The following TRAPPC12 variants were observed in gnomAD, a reference collection of about 807,000 sequenced individuals.
The protein encoded by TRAPPC12 is trafficking protein particle complex subunit 12.
A neutral mutation model predicts 69.2 loss-of-function variants in TRAPPC12; 61 were observed. That is an observed-to-expected ratio of 0.88 (90% CI 0.72 to 1.09). TRAPPC12 has a LOEUF of 1.09. TRAPPC12 is among the 50% of genes least tolerant of loss of function. The pLI is 0.00. For synonymous variants in TRAPPC12, 469 were observed against 438.9 expected, an observed-to-expected ratio of 1.07 and a Z score of -0.86; for missense variants, 1,101 against 1,016.4, an observed-to-expected ratio of 1.08 and a Z score of -1.13.
At chr2:3,402,721 A>G (rs1468412822) in intron 3 of TRAPPC12, among the ~76,000 whole-genome samples, 1 of 152,258 alleles carries the variant, frequency 6.6e-6, no homozygotes, top group Non-Finnish European at 1.5e-5. Context: ...TAGATTAAGG[A>G]GAAGATATTG....
intron 6 of TRAPPC12, among the ~76,000 whole-genome samples, chr2:3,449,691 G>A (rs1484909709): frequency 6.6e-6 from 1 of 152,170 alleles, no homozygotes; most frequent in African/African-American, 2.4e-5. Flanking sequence ...GTGAGAACAG[G>A]CGTGGCTGGC....
intron 5 of TRAPPC12, among the ~76,000 whole-genome samples, chr2:3,427,016 G>A (rs1025881387): frequency 5.3e-5 from 8 of 152,216 alleles, no homozygotes; most frequent in African/African-American, 1.7e-4. Context: ...AAAAGAATGG[G>A]GAGCCTGTCA....
intron 2 of TRAPPC12, chr2:3,389,715 C>G (rs1402277196): frequency 4.2e-6 from 2 of 471,094 alleles, no homozygotes; most frequent in Admixed American, 4.7e-5. Flanking sequence ...GGTACCTGCA[C>G]TCCGCGGAGT....
Position 3,388,459 on chromosome 2 carries a change from C to T in TRAPPC12, c.836C>T (p.Pro279Leu). The change falls in exon 2 of 12, where the codon CCT (proline) becomes CTT (leucine). Residue 279 changes from proline (P) to leucine (L), a missense_variant. By Grantham distance (98) the Pro-to-Leu change is moderately conservative. Transcript: ENST00000324266. Reference sequence around the variant, plus strand: ...GCTGCGCCCCCGGCGTCGCCAGAGCCTTTCGCGCACATCCAGGCAGTGTTT... The same window carrying T: ...GCTGCGCCCCCGGCGTCGCCAGAGCTTTTCGCGCACATCCAGGCAGTGTTT... ...QAAAPPASPE[P>L]FAHIQAVFAG... The T allele has an allele frequency of 1.2e-6, 2 of 1,611,814 alleles. No individual in the cohort carries two copies. Among genetic ancestry groups the T allele is most frequent in the Non-Finnish European group, 1.7e-6 (2 of 1,179,366 alleles).
intron 1 of TRAPPC12, among the ~76,000 whole-genome samples, chr2:3,385,692 T>C (rs148651261): frequency 2.0e-5 from 3 of 152,354 alleles, no homozygotes; most frequent in Non-Finnish European, 4.4e-5. Context: ...GGGCTGAGGG[T>C]AGATGAGACG....
intron 5 of TRAPPC12, among the ~76,000 whole-genome samples, chr2:3,435,328 TG>T (rs938278290): frequency 9.8e-5 from 15 of 152,344 alleles, no homozygotes; most frequent in Non-Finnish European, 2.1e-4. Flanking sequence ...TACTGTTAAC[TG>T]TTACTGGGGG....
intron 2 of TRAPPC12, among the ~76,000 whole-genome samples, chr2:3,399,295 C>G (rs961597683): frequency 2.0e-5 from 3 of 152,234 alleles, no homozygotes; most frequent in African/African-American, 7.2e-5. Flanking sequence ...TGATTTTGCT[C>G]TTTACCCAGC....
intron 1 of TRAPPC12, among the ~76,000 whole-genome samples, chr2:3,385,784 G>C (rs1241101528): frequency 6.6e-6 from 1 of 152,204 alleles, no homozygotes; most frequent in Non-Finnish European, 1.5e-5. Context: ...GACCACGCTA[G>C]TGCCTTCAAG....
chr2:3,391,618 C>A (rs566813668), intron 2 of TRAPPC12, among the ~76,000 whole-genome samples: 1 of 152,356 alleles, frequency 6.6e-6, no homozygotes, highest in South Asian at 2.1e-4. Context: ...GCATTCTTCT[C>A]TACCCTCTTA....
intron 1 of TRAPPC12, among the ~76,000 whole-genome samples, chr2:3,384,148 G>A (rs997654519): frequency 4.0e-5 from 6 of 151,880 alleles, no homozygotes; most frequent in South Asian, 2.1e-4. Context: ...CACCCTCCTC[G>A]GCCTCCCAAA....
At position 3,388,382 on chromosome 2, in the gene TRAPPC12, G is replaced by T. The variant is rs1336431359; in HGVS notation, c.759G>T (p.Val253=). 6.2e-7 allele frequency: 1 copy of T among 1,603,536 alleles called. No individual in the cohort carries two copies. The highest frequency in any genetic ancestry group is 1.3e-5 in the African/African-American group (1 of 74,466). The change falls in exon 2 of 12, where the codon GTG becomes GTT. Residue 253 remains valine (V), a synonymous_variant. Coordinates refer to ENST00000324266, the MANE Select transcript of TRAPPC12 (RefSeq NM_016030.6). ...PAPASPPPLA[V]PGTEGRPEPV... is the part of the protein sequence containing the mutation. ...CCGCCAGCCCGCCTCCCCTCGCTGTGCCCGGGACCGAGGGGCGCCCCGAAC... is the reference window on the plus strand; with the variant it reads ...CCGCCAGCCCGCCTCCCCTCGCTGTTCCCGGGACCGAGGGGCGCCCCGAAC...
At position 3,479,311 on chromosome 2, in the gene TRAPPC12, G is replaced by T; in HGVS notation, c.2058G>T (p.Arg686Ser). 1 of 1,614,200 alleles carries T rather than the reference G, an allele frequency of 6.2e-7. No homozygotes were observed. The highest frequency in any genetic ancestry group is 1.7e-5 in the Admixed American group (1 of 60,032). ...QLEAMVQQDP[R>S]HYLHESVLFN... is the part of the protein sequence containing the mutation. ...AGGCCATGGTCCAGCAGGACCCCAG[G>T]CACTACCTGCACGAGAGCGTGCTCT... Residue 686 changes from arginine (R) to serine (S), a missense_variant, in exon 12 of 12, where the codon AGG (arginine) becomes AGT (serine). Arg to Ser is a moderately radical substitution (Grantham distance 110, BLOSUM62 -1). Transcript: ENST00000324266.
chr2:3,383,871 G>GTTTGTTTT (rs1660353720), intron 1 of TRAPPC12, among the ~76,000 whole-genome samples: 1 of 85,596 alleles, frequency 1.2e-5, no homozygotes, highest in Non-Finnish European at 2.3e-5. Context: ...GTTCAGTCTT[G>GTTTGTTTT]TTTTTTTTTT....
At chr2:3,477,825 T>C in intron 10 of TRAPPC12, 30 bp downstream of exon 10, 1 of 1,506,886 alleles carries the variant, frequency 6.6e-7, no homozygotes. Flanking sequence ...ATATATGTTT[T>C]CTCAAATTTC....
At chr2:3,382,755 T>G (rs1388377120) in intron 1 of TRAPPC12, among the ~76,000 whole-genome samples, 1 of 152,048 alleles carries the variant, frequency 6.6e-6, no homozygotes, top group African/African-American at 2.4e-5. Context: ...TGAGTCCCCA[T>G]CTCTACAAAA....
In TRAPPC12 at chr2:3,388,599, C is replaced by G. The variant is rs1314883294; in HGVS notation, c.976C>G (p.Gln326Glu). The G allele has an allele frequency of 6.2e-7, 1 of 1,608,968 alleles. No individual in the cohort carries two copies. The highest frequency in any genetic ancestry group is 1.3e-5 in the African/African-American group (1 of 74,958). Residue 326 changes from glutamine to glutamate, a missense_variant, in exon 2 of 12, where the codon CAG (glutamine) becomes GAG (glutamate). Coordinates refer to ENST00000324266, the MANE Select transcript of TRAPPC12 (RefSeq NM_016030.6). Reference protein sequence around the residue: ...TRGVLRAVATQQRGAVFVDKE... With the variant: ...TRGVLRAVATEQRGAVFVDKE... ...TGGAGTCCTGCGGGCCGTGGCCACCCAGCAGCGCGGCGCCGTGTTCGTGGA... is the reference window on the plus strand; with the variant it reads ...TGGAGTCCTGCGGGCCGTGGCCACCGAGCAGCGCGGCGCCGTGTTCGTGGA...
At chr2:3,409,409 T>G (rs1416534968) in intron 3 of TRAPPC12, among the ~76,000 whole-genome samples, 1 of 152,214 alleles carries the variant, frequency 6.6e-6, no homozygotes. Flanking sequence ...ATAATGTGTT[T>G]TCTTCTCTTT....
At position 3,388,346 on chromosome 2, in the gene TRAPPC12, C is replaced by A. The variant is rs1421282379; in HGVS notation, c.723C>A (p.Gly241=). 14 of 1,582,874 alleles carry A rather than the reference C, an allele frequency of 8.8e-6. No homozygotes were observed. Among genetic ancestry groups the A allele is most frequent in the Non-Finnish European group, 1.1e-5 (13 of 1,166,756 alleles). ...AFISVSNPGA[G]SPAPASPPPL... ...TTTCCGTCAGCAATCCCGGCGCGGG[C>A]TCCCCGGCCCCCGCCAGCCCGCCTC... The change falls in exon 2 of 12, where the codon GGC becomes GGA. Residue 241 remains glycine (G), a synonymous_variant. Coordinates refer to ENST00000324266, the MANE Select transcript of TRAPPC12 (RefSeq NM_016030.6).
rs1558358602 is a variant in TRAPPC12, at chr2:3,409,749, TTAAAAAAAAAAA to T, written c.1164+7857_1164+7868del. 1.4e-4 allele frequency among the ~76,000 whole-genome samples: 12 copies of T among 88,728 alleles called. No individual in the cohort carries two copies. The East Asian group carries it at 3.0e-3, about 22-fold the overall frequency. The allele number at this position is 88,728 out of a possible 152,430, so 58.2% of individuals were successfully genotyped here. On this transcript the variant is annotated intron_variant, in intron 3 of 11. Transcript: ENST00000324266. ...TGGGCAACAAAGCAAGACTTTGTCT[TTAAAAAAAAAAA>T]AAAAAAAAAAAAAAAAAGGGGAAGA...
Sources: allele counts gnomAD v4.1 joint callset (sites outside exome capture counted in the v4.1 genomes callset), GRCh38; gene constraint gnomAD v4.1.1; transcripts MANE v1.5; gene names NCBI Gene and HGNC (gene_info 2026-07-23, HGNC 2026-07-21).